Variants in MYO18B observed in about 807,000 individuals in gnomAD.
The protein encoded by MYO18B is unconventional myosin-XVIIIb.
In MYO18B, 204 loss-of-function variants were observed where a neutral mutation model predicts 273.0. That is an observed-to-expected ratio of 0.75 (90% CI 0.67 to 0.84). MYO18B has a LOEUF of 0.84. MYO18B is among the 40% of genes least tolerant of loss of function. The probability of loss-of-function intolerance (pLI) is 0.00; values close to 1 mark genes in which losing one functional copy is unlikely to be tolerated. For missense variants in MYO18B, 3,212 were observed against 3,287.6 expected, an observed-to-expected ratio of 0.98 and a Z score of 0.56; for synonymous variants, 1,330 against 1,305.7, an observed-to-expected ratio of 1.02 and a Z score of -0.40.
intron 10 of MYO18B, among the ~76,000 whole-genome samples, chr22:25,782,337 A>G (rs2087198749): frequency 6.6e-6 from 1 of 152,230 alleles, no homozygotes; most frequent in African/African-American, 2.4e-5. Flanking sequence ...CATGTCTTCC[A>G]GAAGTTTCTA....
chr22:25,820,618 TATC>T (rs2089240705), intron 12 of MYO18B, among the ~76,000 whole-genome samples: 1 of 152,246 alleles, frequency 6.6e-6, no homozygotes, highest in South Asian at 2.1e-4. Flanking sequence ...CATGTACAGT[TATC>T]AGGGTAATTA....
intron 17 of MYO18B, among the ~76,000 whole-genome samples, chr22:25,838,778 T>C (rs1446923745): frequency 6.6e-6 from 1 of 152,156 alleles, no homozygotes; most frequent in Non-Finnish European, 1.5e-5. Context: ...AACGATGCAG[T>C]TCTTAGAACA....
intron 39 of MYO18B, among the ~76,000 whole-genome samples, chr22:25,973,303 TG>T (rs1247688658): frequency 2.0e-5 from 3 of 152,204 alleles, no homozygotes; most frequent in Non-Finnish European, 4.4e-5. Flanking sequence ...AAGGGTTTCC[TG>T]AGCACATCTG....
At position 25,768,532 on chromosome 22, in the gene MYO18B, A is replaced by T; in HGVS notation, c.616A>T (p.Thr206Ser). ...GACTCCTTGTGGCTCCCAGGCCAGC[A>T]CCGAGATCTTGGCCCCGAAAGCTGA... ...SRTPCGSQASTEILAPKAEKT... is the reference protein window; with the variant it reads ...SRTPCGSQASSEILAPKAEKT... Residue 206 changes from threonine (T) to serine (S), a missense_variant, in exon 4 of 44, where the codon ACC (threonine) becomes TCC (serine). Thr to Ser is a moderately conservative substitution (Grantham distance 58). Coordinates refer to ENST00000335473, the MANE Select transcript of MYO18B (RefSeq NM_032608.7). 6.4e-7 allele frequency: 1 copy of T among 1,556,424 alleles called. No individual in the cohort carries two copies. The highest frequency in any genetic ancestry group is 8.7e-7 in the Non-Finnish European group (1 of 1,154,138).
intron 21 of MYO18B, among the ~76,000 whole-genome samples, chr22:25,866,758 C>A (rs1415343723): frequency 4.2e-5 from 6 of 141,694 alleles, no homozygotes; most frequent in African/African-American, 1.6e-4. Context: ...AGAATCCCAG[C>A]CTGGTGACAG....
intron 39 of MYO18B, among the ~76,000 whole-genome samples, chr22:25,972,610 A>G (rs184091692): frequency 6.6e-6 from 1 of 152,256 alleles, no homozygotes; most frequent in East Asian, 1.9e-4. Flanking sequence ...TGATGTCGGT[A>G]TTTCATCAGC....
the MYO18B span, among the ~76,000 whole-genome samples, chr22:26,055,056 CT>C: frequency 7.9e-4 from 121 of 152,282 alleles, no homozygotes; most frequent in Non-Finnish European, 1.4e-3. Flanking sequence ...ACCCCTCAGG[CT>C]TCATTAGTGA....
chr22:25,996,956 C>G (rs1274323408), intron 40 of MYO18B, among the ~76,000 whole-genome samples: 2 of 152,134 alleles, frequency 1.3e-5, no homozygotes, highest in Non-Finnish European at 2.9e-5. Flanking sequence ...CACTGACACC[C>G]TCAGTTTCTT....
chr22:25,753,234 G>T, intron 1 of MYO18B, among the ~76,000 whole-genome samples: 1 of 150,822 alleles, frequency 6.6e-6, no homozygotes, highest in Non-Finnish European at 1.5e-5. Context: ...GGCAGGGGCG[G>T]GTGTGGGGGG....
At chr22:25,982,587 C>T (rs544463700) in intron 39 of MYO18B, among the ~76,000 whole-genome samples, 1 of 152,320 alleles carries the variant, frequency 6.6e-6, no homozygotes, top group Admixed American at 6.5e-5. Context: ...GTTCCAGCCT[C>T]TTCTAGCTTC....
intron 1 of MYO18B, among the ~76,000 whole-genome samples, chr22:25,753,319 C>T (rs1327013310): frequency 6.6e-6 from 1 of 152,142 alleles, no homozygotes; most frequent in Non-Finnish European, 1.5e-5. Context: ...CAGTCTGGCA[C>T]TCTGTGTCTA....
In MYO18B at chr22:25,768,815, A is replaced by G; in HGVS notation, c.899A>G (p.Lys300Arg). 1 of 1,610,938 alleles carries G rather than the reference A, an allele frequency of 6.2e-7. No homozygotes were observed. The change falls in exon 4 of 44, where the codon AAG becomes AGG. Residue 300 changes from lysine (K) to arginine (R), a missense_variant. By Grantham distance (26) the Lys-to-Arg change is conservative (BLOSUM62 2). Transcript: ENST00000335473. Reference protein sequence around the residue: ...TNTVEKGNVSKDVGSEGKHVR... With the variant: ...TNTVEKGNVSRDVGSEGKHVR... Reference sequence around the variant, plus strand: ...ACGGTGGAAAAGGGGAATGTCTCTAAGGACGTAGGGAGTGAAGGGAAGCAC... The same window carrying G: ...ACGGTGGAAAAGGGGAATGTCTCTAGGGACGTAGGGAGTGAAGGGAAGCAC...
At chr22:25,809,790 A>G (rs5761242) in intron 12 of MYO18B, among the ~76,000 whole-genome samples, 10,013 of 152,170 alleles carry the variant, frequency 0.066, 576 homozygotes, top group East Asian at 0.21. Context: ...GGTAGGAAGA[A>G]GTGGCTGGAT....
At chr22:25,824,868 CAT>C (rs1009397017) in intron 13 of MYO18B, among the ~76,000 whole-genome samples, 1 of 151,798 alleles carries the variant, frequency 6.6e-6, no homozygotes, top group Non-Finnish European at 1.5e-5. Context: ...ACACACCACA[CAT>C]ATGCACAGCA....
At chr22:25,841,824 G>A (rs571691615) in intron 17 of MYO18B, among the ~76,000 whole-genome samples, 1 of 152,332 alleles carries the variant, frequency 6.6e-6, no homozygotes, top group Non-Finnish European at 1.5e-5. Context: ...TAGGACAGTG[G>A]AAGGAGGCAG....
At position 25,828,933 on chromosome 22, in the gene MYO18B, C is replaced by A. The variant is rs201442805; in HGVS notation, c.2944C>A (p.Arg982=). ...GCGCCTGCAGCTGCTGTTCTACCAG[C>A]GGACCTTTGTCTCCACGCTACAGCG... ...HERLQLLFYQ[R]TFVSTLQRYQ... is the part of the protein sequence containing the mutation. Residue 982 remains arginine (R), a synonymous_variant, in exon 15 of 44, where the codon CGG becomes AGG. Coordinates refer to ENST00000335473, the MANE Select transcript of MYO18B (RefSeq NM_032608.7). The A allele has an allele frequency of 6.2e-7, 1 of 1,613,952 alleles. No homozygotes were observed. Among genetic ancestry groups the A allele is most frequent in the Non-Finnish European group, 8.5e-7 (1 of 1,179,890 alleles).
intron 12 of MYO18B, among the ~76,000 whole-genome samples, chr22:25,803,869 C>G (rs894425006): frequency 2.6e-5 from 4 of 151,960 alleles, no homozygotes; most frequent in Non-Finnish European, 5.9e-5. Flanking sequence ...GTCCCCAGTC[C>G]TCTCTTAAAC....
the MYO18B span, among the ~76,000 whole-genome samples, chr22:26,040,953 G>A: frequency 1.3e-5 from 2 of 152,184 alleles, no homozygotes; most frequent in Admixed American, 6.5e-5. Context: ...GCCCAGGACT[G>A]AGGGAGCTCT....
chr22:26,004,043 A>G (rs572599054), intron 41 of MYO18B, among the ~76,000 whole-genome samples: 102 of 151,656 alleles, frequency 6.7e-4, no homozygotes, highest in Non-Finnish European at 1.3e-3. Context: ...GTGGACAAGA[A>G]CTGGTGCTTG....
Sources: allele counts gnomAD v4.1 joint callset (sites outside exome capture counted in the v4.1 genomes callset), GRCh38; gene constraint gnomAD v4.1.1; transcripts MANE v1.5; gene names NCBI Gene and HGNC (gene_info 2026-07-23, HGNC 2026-07-21).